WIPF2: variants seen among roughly 807,000 people sequenced by gnomAD.
WIPF2 encodes the protein WAS/WASL-interacting protein family member 2.
WIPF2 carries 23 observed loss-of-function variants against 38.8 expected under a neutral mutation model. That is an observed-to-expected ratio of 0.59 (90% CI 0.43 to 0.84). The LOEUF (loss-of-function observed/expected upper bound fraction) is 0.84, where lower values mean the gene tolerates loss of function less well. Among genes scored for constraint, WIPF2 ranks in the 40% least tolerant of loss-of-function variants. The pLI is 0.00. For missense variants in WIPF2, 574 were observed against 580.5 expected, an observed-to-expected ratio of 0.99 and a Z score of 0.11; for synonymous variants, 210 against 223.2, an observed-to-expected ratio of 0.94 and a Z score of 0.53.
Position 40,283,300 on chromosome 17 carries a change from A to AGTGGT in WIPF2, c.*5079_*5083dup, listed in dbSNP as rs796805387. 5.3e-4 allele frequency: 79 copies of AGTGGT among 149,256 alleles called. No homozygotes were observed. Among genetic ancestry groups the AGTGGT allele is most frequent in the African/African-American group, 1.9e-3 (78 of 40,388 alleles). The allele number at this position is 149,256 out of a possible 1,614,324, so 9.2% of individuals were successfully genotyped here. On this transcript the variant is annotated 3_prime_UTR_variant, in exon 8 of 8. Coordinates refer to ENST00000323571, the MANE Select transcript of WIPF2 (RefSeq NM_133264.5). ...GTTGCTGTCATCCAGGCTGGAGTGC[A>AGTGGT]GTGGTGTGATCATAGCTCACCGCAG...
At chr17:40,223,886 G>A (rs550714994) in intron 1 of WIPF2, among the ~76,000 whole-genome samples, 56 of 151,008 alleles carry the variant, frequency 3.7e-4, no homozygotes, top group Non-Finnish European at 7.5e-4. Flanking sequence ...CGCCCGGCCC[G>A]AGAAAATTAT....
chr17:40,267,145 A>G (rs2032113196), intron 5 of WIPF2, among the ~76,000 whole-genome samples: 1 of 152,128 alleles, frequency 6.6e-6, no homozygotes, highest in African/African-American at 2.4e-5. Flanking sequence ...ACTTGAGATT[A>G]TGGGCCATAC....
In WIPF2 at chr17:40,276,520, CAAAAAAAAAAAAAA is replaced by C. The variant is rs1160459322; in HGVS notation, c.1181-553_1181-540del. 1.1e-4 allele frequency among the ~76,000 whole-genome samples: 8 copies of C among 71,616 alleles called. No individual in the cohort carries two copies. The East Asian group carries it at 2.2e-3, about 20-fold the overall frequency. The allele number at this position is 71,616 out of a possible 152,430, so 47.0% of individuals were successfully genotyped here. A position where few individuals can be genotyped will look rare whatever the true frequency, so the allele number is the denominator to read the frequency against. On this transcript the variant is annotated intron_variant, in intron 6 of 7. Coordinates refer to ENST00000323571, the MANE Select transcript of WIPF2 (RefSeq NM_133264.5). ...TGGGCAACAGAGTGAGACTCCGTCT[CAAAAAAAAAAAAAA>C]AAAAAAAAAGAATTATATTTCTTTC...
intron 1 of WIPF2, among the ~76,000 whole-genome samples, chr17:40,239,493 G>GT (rs2031104880): frequency 6.6e-6 from 1 of 152,048 alleles, no homozygotes; most frequent in African/African-American, 2.4e-5. Flanking sequence ...CCAGTCCCCT[G>GT]CCTAGAGAGT....
chr17:40,222,654 GTTTTTTTTTT>G (rs58758484), intron 1 of WIPF2, among the ~76,000 whole-genome samples: 5 of 52,858 alleles, frequency 9.5e-5, no homozygotes, highest in Non-Finnish European at 1.1e-4. Context: ...TGCATATTCA[GTTTTTTTTTT>G]TTTTTTTTTT....
intron 1 of WIPF2, among the ~76,000 whole-genome samples, chr17:40,225,369 CAAT>C (rs1248812649): frequency 6.7e-6 from 1 of 150,092 alleles, no homozygotes; most frequent in African/African-American, 2.5e-5. Flanking sequence ...TGGGGAACAA[CAAT>C]GTTAATAGGA....
chr17:40,253,279 G>A (rs1016653537), intron 1 of WIPF2, among the ~76,000 whole-genome samples: 2 of 150,536 alleles, frequency 1.3e-5, no homozygotes, highest in Admixed American at 1.3e-4. Flanking sequence ...AGCCAGGATG[G>A]TCTCCATCTC....
At chr17:40,250,217 A>ATTTTTTTTTTTTT (rs1567716394) in intron 1 of WIPF2, among the ~76,000 whole-genome samples, 1 of 80,274 alleles carries the variant, frequency 1.2e-5, no homozygotes, top group African/African-American at 5.0e-5. Flanking sequence ...GAATTTTATC[A>ATTTTTTTTTTTTT]TGTTTTTTTT....
At chr17:40,233,742 A>G (rs1315206563) in intron 1 of WIPF2, among the ~76,000 whole-genome samples, 1 of 152,072 alleles carries the variant, frequency 6.6e-6, no homozygotes, top group Non-Finnish European at 1.5e-5. Flanking sequence ...CAGCCTGGCC[A>G]ACATGGTGAA....
intron 5 of WIPF2, among the ~76,000 whole-genome samples, chr17:40,272,625 GA>G (rs1390393215): frequency 6.6e-6 from 1 of 152,200 alleles, no homozygotes; most frequent in Non-Finnish European, 1.5e-5. Flanking sequence ...AAAGCCTTGA[GA>G]AGATGGGACT....
rs148418080 is a variant in WIPF2 at position 40,242,334 on chromosome 17, C to T, written c.-69-14057C>T. 2.1e-3 allele frequency among the ~76,000 whole-genome samples: 316 copies of T among 152,196 alleles called. 2 individuals carry two copies. Among genetic ancestry groups the T allele is most frequent in the Admixed American group, 5.4e-3 (82 of 15,280 alleles). On this transcript the variant is annotated intron_variant, in intron 1 of 7. Transcript: ENST00000323571. Reference sequence around the variant, plus strand: ...GTGAGCTGTGATTGTGCCACTTGCACTGCAATCTGGGTTGTAGGGTGAGAC... The same window carrying T: ...GTGAGCTGTGATTGTGCCACTTGCATTGCAATCTGGGTTGTAGGGTGAGAC...
At chr17:40,262,273 AG>A (rs2031936493) in intron 3 of WIPF2, among the ~76,000 whole-genome samples, 1 of 151,762 alleles carries the variant, frequency 6.6e-6, no homozygotes, top group African/African-American at 2.4e-5. Flanking sequence ...TTGTAGAGTC[AG>A]GTCCTACTAT....
At chr17:40,243,139 A>G (rs1319591127) in intron 1 of WIPF2, among the ~76,000 whole-genome samples, 2 of 152,176 alleles carry the variant, frequency 1.3e-5, no homozygotes, top group African/African-American at 4.8e-5. Context: ...AATAACCCAT[A>G]GTATCTAATA....
chr17:40,280,203 T>C lies in WIPF2; in HGVS notation c.*1978T>C, dbSNP rs1464351955. On this transcript the variant is annotated 3_prime_UTR_variant, in exon 8 of 8. Coordinates refer to ENST00000323571, the MANE Select transcript of WIPF2 (RefSeq NM_133264.5). Reference sequence around the variant, plus strand: ...AAACAGAACTGCCGGGCGCTGTGGCTTATGCCTGTAATCTCAGCAATTTGG... The same window carrying C: ...AAACAGAACTGCCGGGCGCTGTGGCCTATGCCTGTAATCTCAGCAATTTGG... 1 of 152,244 alleles carries C rather than the reference T, an allele frequency of 6.6e-6. No individual in the cohort carries two copies. The highest frequency in any genetic ancestry group is 1.5e-5 in the Non-Finnish European group (1 of 68,082). 9.4% of individuals were successfully genotyped at this position (152,244 alleles called of 1,614,324 possible). A position where few individuals can be genotyped will look rare whatever the true frequency, so the allele number is the denominator to read the frequency against.
chr17:40,226,624 TAGGG>T (rs1367574062), intron 1 of WIPF2, among the ~76,000 whole-genome samples: 7 of 152,148 alleles, frequency 4.6e-5, no homozygotes, highest in Non-Finnish European at 8.8e-5. Flanking sequence ...GCTCACCTAG[TAGGG>T]AGGATGTTTA....
chr17:40,283,812 T>G lies in WIPF2; in HGVS notation c.*5587T>G, dbSNP rs1386361971. On this transcript the variant is annotated 3_prime_UTR_variant, in exon 8 of 8. Coordinates refer to ENST00000323571, the MANE Select transcript of WIPF2 (RefSeq NM_133264.5). ...TTAGCTGGTTTTCTTGAACTTTGAC[T>G]TTAGGTGTAAAAATTCAACCAGACA... 3.3e-5 allele frequency: 5 copies of G among 152,214 alleles called. No individual in the cohort carries two copies. The highest frequency in any genetic ancestry group is 1.2e-4 in the African/African-American group (5 of 41,446). The allele number at this position is 152,214 out of a possible 1,614,324, so 9.4% of individuals were successfully genotyped here.
chr17:40,267,238 G>A (rs1001719228), intron 5 of WIPF2, among the ~76,000 whole-genome samples: 23 of 152,152 alleles, frequency 1.5e-4, no homozygotes, highest in South Asian at 8.3e-4. Flanking sequence ...TTTAACCAGC[G>A]TTAGCATGTT....
chr17:40,224,955 C>T (rs1305273016), intron 1 of WIPF2, among the ~76,000 whole-genome samples: 3 of 151,860 alleles, frequency 2.0e-5, no homozygotes, highest in Non-Finnish European at 4.4e-5. Context: ...TCACACAACT[C>T]CCAAGCAAAA....
chr17:40,267,848 A>G (rs184254299), intron 5 of WIPF2, among the ~76,000 whole-genome samples: 13 of 152,170 alleles, frequency 8.5e-5, no homozygotes, highest in Admixed American at 5.2e-4. Context: ...TTGATTAAGG[A>G]GTTATGTCAT....
Sources: allele counts gnomAD v4.1 joint callset (sites outside exome capture counted in the v4.1 genomes callset), GRCh38; gene constraint gnomAD v4.1.1; transcripts MANE v1.5; gene names NCBI Gene and HGNC (gene_info 2026-07-23, HGNC 2026-07-21).